SPOCK1: variants seen among roughly 807,000 people sequenced by gnomAD.
SPOCK1 encodes the protein testican-1.
Under a neutral mutation model 55.3 loss-of-function variants are expected in SPOCK1, and 23 were observed. That is an observed-to-expected ratio of 0.42 (90% confidence interval 0.30 to 0.59). The LOEUF (loss-of-function observed/expected upper bound fraction) is 0.59. Among genes scored for constraint, SPOCK1 ranks in the 20% least tolerant of loss-of-function variants. SPOCK1 has a pLI of 0.22. For missense variants in SPOCK1, 499 were observed against 552.5 expected (o/e 0.90, Z 0.97); for synonymous variants, 226 against 221.0 (o/e 1.02, Z -0.20).
chr5:136,978,045 T>C lies in SPOCK1; in HGVS notation c.*609A>G, dbSNP rs2126955723. On this transcript the variant is annotated 3_prime_UTR_variant, in exon 11 of 11. Coordinates refer to ENST00000394945, the MANE Select transcript of SPOCK1 (RefSeq NM_004598.4). ...AGGGAAGTATCCAGACACCAATTTT[T>C]AATAAAATGAATTCCCCAAAGGGAG... 2.5e-6 allele frequency: 1 copy of C among 397,998 alleles called. No homozygotes were observed. Among genetic ancestry groups the C allele is most frequent in the East Asian group, 3.6e-5 (1 of 28,040 alleles). The allele number at this position is 397,998 out of a possible 1,614,324, so 24.7% of individuals were successfully genotyped here.
intron 2 of SPOCK1, among the ~76,000 whole-genome samples, chr5:137,299,836 T>C (rs533241396): frequency 2.8e-3 from 426 of 152,286 alleles, no homozygotes; most frequent in Middle Eastern, 0.014. Context: ...ACTTTCTCTT[T>C]CTTTTGGTTC....
chr5:137,432,589 T>G (rs1333143102), intron 2 of SPOCK1, among the ~76,000 whole-genome samples: 1 of 151,996 alleles, frequency 6.6e-6, no homozygotes, highest in Non-Finnish European at 1.5e-5. Flanking sequence ...GCAAGTAGAA[T>G]GGTGGTTGCC....
At chr5:137,319,930 C>T (rs57797928) in intron 2 of SPOCK1, among the ~76,000 whole-genome samples, 2 of 116,482 alleles carry the variant, frequency 1.7e-5, no homozygotes, top group Admixed American at 2.4e-4. Context: ...CCGGCCTGGG[C>T]GACAGAGCGA....
chr5:137,427,405 T>G (rs984409325), intron 2 of SPOCK1, among the ~76,000 whole-genome samples: 1 of 152,182 alleles, frequency 6.6e-6, no homozygotes, highest in Non-Finnish European at 1.5e-5. Context: ...TCATTTACTC[T>G]GGAAGAAGCA....
At chr5:137,444,910 C>A (rs150295961) in intron 2 of SPOCK1, among the ~76,000 whole-genome samples, 1 of 152,234 alleles carries the variant, frequency 6.6e-6, no homozygotes, top group Non-Finnish European at 1.5e-5. Flanking sequence ...ACCCAGCTAC[C>A]TAAGTTCCTC....
chr5:137,253,006 G>A (rs984435898), intron 3 of SPOCK1, among the ~76,000 whole-genome samples: 26 of 152,078 alleles, frequency 1.7e-4, no homozygotes, highest in Admixed American at 1.5e-3. Context: ...TTATTCACCC[G>A]CTACTTGCCT....
chr5:136,977,998 G>A lies in SPOCK1; in HGVS notation c.*656C>T. 1 of 398,670 alleles carries A rather than the reference G, an allele frequency of 2.5e-6. No homozygotes were observed. The allele number at this position is 398,670 out of a possible 1,614,324, so 24.7% of individuals were successfully genotyped here. On this transcript the variant is annotated 3_prime_UTR_variant, in exon 11 of 11. Coordinates refer to ENST00000394945, the MANE Select transcript of SPOCK1 (RefSeq NM_004598.4). The stretch of plus-strand genomic sequence containing the variant: ...ACACACATACAGTCTTTCTGTACAT[G>A]CATGCATATTTATGCATGTACAGGG...
At chr5:137,008,614 A>T (rs1239929002) in intron 6 of SPOCK1, among the ~76,000 whole-genome samples, 1 of 152,192 alleles carries the variant, frequency 6.6e-6, no homozygotes. Flanking sequence ...TGGTGACTGG[A>T]GTGACAGATA....
intron 3 of SPOCK1, among the ~76,000 whole-genome samples, chr5:137,244,143 G>C (rs1444122872): frequency 1.3e-5 from 2 of 152,118 alleles, no homozygotes; most frequent in Non-Finnish European, 2.9e-5. Flanking sequence ...GTGTAATAAA[G>C]AAAGGCACAT....
chr5:137,403,935 G>A (rs1400636385), intron 2 of SPOCK1, among the ~76,000 whole-genome samples: 1 of 152,130 alleles, frequency 6.6e-6, no homozygotes, highest in Non-Finnish European at 1.5e-5. Context: ...AATTTTCAAA[G>A]GCGCAGTCTG....
At chr5:137,226,987 A>C (rs1332796830) in intron 3 of SPOCK1, among the ~76,000 whole-genome samples, 1 of 152,068 alleles carries the variant, frequency 6.6e-6, no homozygotes, top group Non-Finnish European at 1.5e-5. Context: ...AGCTCTGACA[A>C]CTCCCTCTTT....
chr5:137,463,494 G>A (rs1357428924), intron 2 of SPOCK1, among the ~76,000 whole-genome samples: 1 of 117,618 alleles, frequency 8.5e-6, no homozygotes, highest in Non-Finnish European at 1.6e-5. Context: ...ATAGAGAGTC[G>A]AAAGATAGTT....
intron 2 of SPOCK1, among the ~76,000 whole-genome samples, chr5:137,348,253 G>C (rs908518520): frequency 1.3e-4 from 20 of 152,106 alleles, no homozygotes; most frequent in Non-Finnish European, 2.8e-4. Context: ...GTTTCATCAG[G>C]GCCACAGGGG....
At chr5:137,134,541 T>A (rs977619348) in intron 4 of SPOCK1, among the ~76,000 whole-genome samples, 2 of 152,210 alleles carry the variant, frequency 1.3e-5, no homozygotes, top group African/African-American at 4.8e-5. Flanking sequence ...ATGAGCCACT[T>A]GGAGAAGGGG....
At chr5:137,357,429 G>A (rs934087157) in intron 2 of SPOCK1, among the ~76,000 whole-genome samples, 1 of 152,170 alleles carries the variant, frequency 6.6e-6, no homozygotes, top group African/African-American at 2.4e-5. Context: ...TGAGGCATTG[G>A]GGGATGTGGG....
At chr5:137,375,464 T>C (rs1751292989) in intron 2 of SPOCK1, among the ~76,000 whole-genome samples, 1 of 152,232 alleles carries the variant, frequency 6.6e-6, no homozygotes, top group African/African-American at 2.4e-5. Context: ...TTGGAAGTGC[T>C]GGAAGTGCTT....
chr5:137,469,390 C>A (rs980603014), intron 2 of SPOCK1, among the ~76,000 whole-genome samples: 1 of 152,082 alleles, frequency 6.6e-6, no homozygotes, highest in Admixed American at 6.6e-5. Flanking sequence ...CAGTTAAGTG[C>A]TTTTACCATA....
chr5:137,153,710 T>C (rs958206005), intron 3 of SPOCK1, among the ~76,000 whole-genome samples: 1 of 151,540 alleles, frequency 6.6e-6, no homozygotes, highest in African/African-American at 2.4e-5. Context: ...TGAAAAAAAT[T>C]AGCCAGGCAT....
chr5:137,275,172 G>C (rs1313223484), intron 2 of SPOCK1, among the ~76,000 whole-genome samples: 1 of 152,194 alleles, frequency 6.6e-6, no homozygotes, highest in East Asian at 1.9e-4. Flanking sequence ...CTTATAGCAC[G>C]TAAACCTTCA....
Sources: allele counts gnomAD v4.1 joint callset (sites outside exome capture counted in the v4.1 genomes callset), GRCh38; gene constraint gnomAD v4.1.1; transcripts MANE v1.5; gene names NCBI Gene and HGNC (gene_info 2026-07-23, HGNC 2026-07-21).